Variants in OIT3 observed in about 807,000 individuals in gnomAD.
OIT3 encodes oncoprotein-induced transcript 3 protein.
A neutral mutation model predicts 52.2 loss-of-function variants in OIT3; 41 were observed. The observed-to-expected ratio is 0.79, with a 90% CI of 0.61 to 1.02. The LOEUF (loss-of-function observed/expected upper bound fraction) is 1.02. Ranked by LOEUF, OIT3 falls within the 50% of genes least tolerant of loss-of-function variation. The pLI, the probability that OIT3 is intolerant of heterozygous loss-of-function variation, is 0.00. For synonymous variants in OIT3, 244 were observed against 276.9 expected, an observed-to-expected ratio of 0.88 and a Z score of 1.18; for missense variants, 634 against 715.5, an observed-to-expected ratio of 0.89 and a Z score of 1.30.
chr10:72,896,151 A>G (rs1845873814), intron 1 of OIT3, among the ~76,000 whole-genome samples: 1 of 152,208 alleles, frequency 6.6e-6, no homozygotes, highest in African/African-American at 2.4e-5. Flanking sequence ...CCAAGAAATG[A>G]CATTTAACTT....
At chr10:72,931,555 G>A (rs117032047) in intron 8 of OIT3, among the ~76,000 whole-genome samples, 2,032 of 152,222 alleles carry the variant, frequency 0.013, 20 homozygotes, top group Non-Finnish European at 0.023. Context: ...GTAGAGCATT[G>A]TTACAAGGGG....
At chr10:72,908,929 G>A (rs1003830539) in intron 4 of OIT3, among the ~76,000 whole-genome samples, 29 of 150,604 alleles carry the variant, frequency 1.9e-4, no homozygotes, top group Admixed American at 4.6e-4. Context: ...TAAAAAAAAG[G>A]CCCTTTTTAA....
At chr10:72,910,753 A>G (rs1192486396) in intron 4 of OIT3, among the ~76,000 whole-genome samples, 1 of 152,212 alleles carries the variant, frequency 6.6e-6, no homozygotes, top group East Asian at 1.9e-4. Context: ...AACCTAGAAC[A>G]GGGGTCAGCA....
intron 7 of OIT3, among the ~76,000 whole-genome samples, chr10:72,928,359 C>T (rs903278162): frequency 6.6e-5 from 10 of 152,128 alleles, no homozygotes; most frequent in Admixed American, 3.9e-4. Flanking sequence ...TACATGAATT[C>T]GGTGCTCGGA....
intron 7 of OIT3, among the ~76,000 whole-genome samples, chr10:72,928,380 T>A (rs894471084): frequency 6.6e-6 from 1 of 152,216 alleles, no homozygotes; most frequent in Non-Finnish European, 1.5e-5. Flanking sequence ...ACTAGCATTG[T>A]CTAGTCACAG....
intron 4 of OIT3, among the ~76,000 whole-genome samples, chr10:72,907,933 A>T (rs898135230): frequency 4.6e-5 from 7 of 152,140 alleles, no homozygotes; most frequent in Non-Finnish European, 8.8e-5. Context: ...ACCCTTGCAA[A>T]TTATCACAAC....
chr10:72,930,822 C>T (rs1027244430), intron 8 of OIT3, among the ~76,000 whole-genome samples, 185 bp downstream of exon 8: 1 of 151,756 alleles, frequency 6.6e-6, no homozygotes, highest in Non-Finnish European at 1.5e-5. Context: ...GCCCTGCCTG[C>T]CAAAATAACT....
In OIT3 at chr10:72,911,753, G is replaced by T; in HGVS notation, c.704G>T (p.Ser235Ile). The change falls in exon 5 of 9, where the codon AGC becomes ATC. Residue 235 changes from serine to isoleucine, a missense_variant. Ser to Ile is a moderately radical substitution (Grantham distance 142). Coordinates refer to ENST00000334011, the MANE Select transcript of OIT3 (RefSeq NM_152635.3). Reference sequence around the variant, plus strand: ...TGCCACAATAACAATGGTGGCTGCAGCCACTCTTGCCTTGGATCTGAGAAA... The same window carrying T: ...TGCCACAATAACAATGGTGGCTGCATCCACTCTTGCCTTGGATCTGAGAAA... The part of the protein sequence containing the change: ...EGCHNNNGGC[S>I]HSCLGSEKGY... The T allele has an allele frequency of 2.5e-6, 4 of 1,613,860 alleles. No individual in the cohort carries two copies. The South Asian group carries it at 3.3e-5, about 13-fold the overall frequency.
chr10:72,903,294 C>T (rs146099621), intron 3 of OIT3, among the ~76,000 whole-genome samples: 5,896 of 152,008 alleles, frequency 0.039, 387 homozygotes, highest in African/African-American at 0.13. Context: ...GGCACAATCT[C>T]GACTCACTGC....
chr10:72,901,717 A>T (rs138467800), intron 3 of OIT3, among the ~76,000 whole-genome samples: 171 of 152,196 alleles, frequency 1.1e-3, no homozygotes, highest in African/African-American at 3.9e-3. Flanking sequence ...GGGCCCAAGT[A>T]GCTTCTTGTT....
rs867244150 is a variant in OIT3 at position 72,932,583 on chromosome 10, C to T, written c.*59C>T. On this transcript the variant is annotated 3_prime_UTR_variant, in exon 9 of 9. Transcript: ENST00000334011. The stretch of plus-strand genomic sequence containing the variant: ...GGCTCTGCTCTTTGGAGCTTCTCCC[C>T]CCACCGCCCTCTAAGAACATCTGCC... 2.7e-6 allele frequency: 4 copies of T among 1,461,900 alleles called. No individual in the cohort carries two copies. The Middle Eastern group carries it at 7.4e-4, about 270-fold the overall frequency. 90.6% of individuals were successfully genotyped at this position (1,461,900 alleles called of 1,614,324 possible).
intron 7 of OIT3, among the ~76,000 whole-genome samples, chr10:72,926,559 T>C (rs1025686752): frequency 7.9e-5 from 12 of 152,214 alleles, no homozygotes; most frequent in Admixed American, 5.9e-4. Flanking sequence ...TTAATGGTTC[T>C]TTATTAGCTT....
chr10:72,932,865 T>A lies in OIT3; in HGVS notation c.*341T>A. 4.8e-6 allele frequency: 1 copy of A among 209,722 alleles called. No individual in the cohort carries two copies. Among genetic ancestry groups the A allele is most frequent in the Non-Finnish European group, 9.4e-6 (1 of 106,404 alleles). 13.0% of individuals were successfully genotyped at this position (209,722 alleles called of 1,614,324 possible). A position where few individuals can be genotyped will look rare whatever the true frequency, so the allele number is the denominator to read the frequency against. On this transcript the variant is annotated 3_prime_UTR_variant, in exon 9 of 9. Transcript: ENST00000334011. ...AAAATCAGAAGCTGGGTATAATATTTCAAGTTACAAACCCTAGAAAAATTA... is the reference window on the plus strand; with the variant it reads ...AAAATCAGAAGCTGGGTATAATATTACAAGTTACAAACCCTAGAAAAATTA...
intron 1 of OIT3, among the ~76,000 whole-genome samples, chr10:72,897,919 TA>T (rs1392239158): frequency 6.6e-6 from 1 of 152,100 alleles, no homozygotes; most frequent in African/African-American, 2.4e-5. Context: ...ACTTCTCCTG[TA>T]AATAATTTTT....
At position 72,906,733 on chromosome 10, in the gene OIT3, A is replaced by C; in HGVS notation, c.667+15A>C. On this transcript the variant is annotated intron_variant, in intron 4 of 8. Transcript: ENST00000334011. ...GACTTGTGAAGGTGAGAATGGGCAA[A>C]AAGGGACCCAAATCAAGAGCCCAGA... 1 of 1,538,624 alleles carries C rather than the reference A, an allele frequency of 6.5e-7. No individual in the cohort carries two copies. The highest frequency in any genetic ancestry group is 8.7e-7 in the Non-Finnish European group (1 of 1,145,550).
At chr10:72,901,086 C>A (rs1028245384) in intron 3 of OIT3, among the ~76,000 whole-genome samples, 1 of 151,710 alleles carries the variant, frequency 6.6e-6, no homozygotes, top group Non-Finnish European at 1.5e-5. Flanking sequence ...ATAATAATAT[C>A]TTTAATATTG....
intron 7 of OIT3, among the ~76,000 whole-genome samples, chr10:72,929,143 A>C (rs1333524350): frequency 6.6e-6 from 1 of 152,086 alleles, no homozygotes; most frequent in African/African-American, 2.4e-5. Flanking sequence ...TCGAAGCTGC[A>C]GTGAGCTGTG....
chr10:72,899,612 GA>G (rs1332823848), intron 2 of OIT3, among the ~76,000 whole-genome samples: 2 of 141,652 alleles, frequency 1.4e-5, no homozygotes, highest in Non-Finnish European at 1.5e-5. Context: ...AAAAAAAAAA[GA>G]AAAAAAGAAA....
intron 1 of OIT3, among the ~76,000 whole-genome samples, chr10:72,896,751 A>C (rs914948944): frequency 6.6e-6 from 1 of 152,230 alleles, no homozygotes; most frequent in Non-Finnish European, 1.5e-5. Context: ...CTAATACTGA[A>C]TTCCCTGCCC....
Sources: gnomAD v4.1 joint callset for allele counts (sites outside exome capture counted in the v4.1 genomes callset) on GRCh38, gnomAD v4.1.1 for gene constraint, MANE v1.5 for transcripts, NCBI Gene and HGNC (gene_info 2026-07-23, HGNC 2026-07-21) for gene names.